The following TBRG1 variants were observed in gnomAD, a reference collection of about 807,000 sequenced individuals.
The protein encoded by TBRG1 is nuclear interactor of ARF and MDM2.
TBRG1 carries 31 observed loss-of-function variants against 44.0 expected under a neutral mutation model. The observed-to-expected ratio is 0.70, with a 90% CI of 0.53 to 0.95. TBRG1 has a LOEUF of 0.95. TBRG1 is among the 40% of genes least tolerant of loss of function. The pLI is 0.00. For synonymous variants in TBRG1, 171 were observed against 188.1 expected, an observed-to-expected ratio of 0.91 and a Z score of 0.74; for missense variants, 487 against 496.1, an observed-to-expected ratio of 0.98 and a Z score of 0.18.
chr11:124,624,785 T>C (rs1333763939), intron 1 of TBRG1, 146 bp from the exon 2 acceptor site: 3 of 630,926 alleles, frequency 4.8e-6, no homozygotes, highest in Non-Finnish European at 8.5e-6. Context: ...ATCTATGGAT[T>C]TATTTATAGT....
At position 124,626,901 on chromosome 11, in the gene TBRG1, T is replaced by C. The variant is rs1307636160; in HGVS notation, c.592-3T>C. 9 of 1,604,254 alleles carry C rather than the reference T, an allele frequency of 5.6e-6. No homozygotes were observed. Among genetic ancestry groups the C allele is most frequent in the Non-Finnish European group, 7.7e-6 (9 of 1,174,802 alleles). On this transcript the variant is annotated splice_polypyrimidine_tract_variant and splice_region_variant and intron_variant, in intron 4 of 8. Coordinates refer to ENST00000441174, the MANE Select transcript of TBRG1 (RefSeq NM_032811.3). The stretch of plus-strand genomic sequence containing the variant: ...TCCCAGGTTGGGGGAATGTTTTTTA[T>C]AGATCATCACCGACCGACCTGGCTT...
rs754240756 is a variant in TBRG1, at chr11:124,633,593, A to G, written c.*1355A>G. ...GATCAGGCAGCAGTGTTTAGAGCAC[A>G]CCACACTGGCCACTGTAAACTGAGA... On this transcript the variant is annotated 3_prime_UTR_variant, in exon 9 of 9. Coordinates refer to ENST00000441174, the MANE Select transcript of TBRG1 (RefSeq NM_032811.3). 2.0e-5 allele frequency: 3 copies of G among 152,258 alleles called. No homozygotes were observed. The highest frequency in any genetic ancestry group is 4.4e-5 in the Non-Finnish European group (3 of 68,066). 9.4% of individuals were successfully genotyped at this position (152,258 alleles called of 1,614,324 possible).
intron 8 of TBRG1, chr11:124,631,635 A>T (rs1363075376): frequency 1.7e-6 from 1 of 588,868 alleles, no homozygotes; most frequent in African/African-American, 1.9e-5. Flanking sequence ...GATCATAGTA[A>T]GGCAGGGTAC....
chr11:124,626,397 A>G, intron 3 of TBRG1, 76 bp from the exon 4 acceptor site: 1 of 1,321,572 alleles, frequency 7.6e-7, no homozygotes, highest in Non-Finnish European at 1.0e-6. Context: ...TGCCCTCACC[A>G]TTCACGTGCA....
chr11:124,628,860 G>A (rs769239687), intron 5 of TBRG1, among the ~76,000 whole-genome samples: 6 of 152,130 alleles, frequency 3.9e-5, no homozygotes, highest in Non-Finnish European at 7.4e-5. Flanking sequence ...ATGTGCAAAT[G>A]TGAACAAAGT....
intron 5 of TBRG1, among the ~76,000 whole-genome samples, chr11:124,628,108 TATATATATACACACACAC>T (rs1295548297): frequency 8.4e-4 from 44 of 52,420 alleles, no homozygotes; most frequent in African/African-American, 4.4e-3. Flanking sequence ...TATATATATA[TATATATATACACACACAC>T]ACACACACAC....
At chr11:124,623,282 A>C in intron 1 of TBRG1, 49 bp downstream of exon 1, 1 of 1,547,772 alleles carries the variant, frequency 6.5e-7, no homozygotes, top group Non-Finnish European at 8.7e-7. Context: ...ACTCCCTCAC[A>C]AAATCTTTCC....
chr11:124,626,771 C>G, intron 4 of TBRG1, 133 bp from the exon 5 acceptor site: 1 of 1,465,690 alleles, frequency 6.8e-7, no homozygotes, highest in East Asian at 2.5e-5. Flanking sequence ...GTCTGCTACA[C>G]AGCCTACTCT....
At chr11:124,629,634 A>G (rs567794709) in intron 5 of TBRG1, among the ~76,000 whole-genome samples, 2 of 152,218 alleles carry the variant, frequency 1.3e-5, no homozygotes, top group African/African-American at 4.8e-5. Flanking sequence ...TTTTTTAGAA[A>G]TCAGTAGTGC....
rs1163939674 is a variant in TBRG1 at position 124,626,395 on chromosome 11, C to T, written c.455-78C>T. The T allele has an allele frequency of 3.1e-6, 4 of 1,301,778 alleles. No homozygotes were observed. The African/African-American group carries it at 6.0e-5, about 20-fold the overall frequency. The allele number at this position is 1,301,778 out of a possible 1,614,324, so 80.6% of individuals were successfully genotyped here. A position where few individuals can be genotyped will look rare whatever the true frequency, so the allele number is the denominator to read the frequency against. On this transcript the variant is annotated intron_variant, in intron 3 of 8. Coordinates refer to ENST00000441174, the MANE Select transcript of TBRG1 (RefSeq NM_032811.3). ...AACCAGGATTGGCTTATTGCCCTCA[C>T]CATTCACGTGCAAATTTATCCCTTC... is the stretch of plus-strand genomic sequence containing the variant.
Position 124,630,785 on chromosome 11 carries a change from T to G in TBRG1, c.877T>G (p.Phe293Val). Reference protein sequence around the residue: ...MPNLLPAGADFFGFSHPAIHN... With the variant: ...MPNLLPAGADVFGFSHPAIHN... The stretch of plus-strand genomic sequence containing the variant: ...TAACCTGCTTCCAGCTGGAGCTGAC[T>G]TTTTTGGATTTTCTCATCCAGCCAT... The change falls in exon 7 of 9, where the codon TTT becomes GTT. Residue 293 changes from phenylalanine to valine, a missense_variant. Physicochemically the swap from Phe to Val is conservative, Grantham distance 50. Transcript: ENST00000441174. The G allele has an allele frequency of 1.2e-6, 2 of 1,607,624 alleles. No individual in the cohort carries two copies. The highest frequency in any genetic ancestry group is 1.7e-6 in the Non-Finnish European group (2 of 1,176,910).
At chr11:124,627,839 C>A (rs1420658319) in intron 5 of TBRG1, among the ~76,000 whole-genome samples, 2 of 151,860 alleles carry the variant, frequency 1.3e-5, no homozygotes, top group African/African-American at 4.8e-5. Context: ...ATTTATAATA[C>A]ATCTTTAAAT....
intron 7 of TBRG1, 75 bp from the exon 8 acceptor site, chr11:124,631,200 G>T: frequency 7.2e-7 from 1 of 1,396,826 alleles, no homozygotes; most frequent in South Asian, 1.5e-5. Flanking sequence ...AAAATTACCT[G>T]ATCCCTTTAG....
In TBRG1 at chr11:124,624,925, T is replaced by C; in HGVS notation, c.151-6T>C. 2 of 1,522,606 alleles carry C rather than the reference T, an allele frequency of 1.3e-6. No homozygotes were observed. The highest frequency in any genetic ancestry group is 2.5e-5 in the East Asian group (1 of 40,754). 94.3% of individuals were successfully genotyped at this position (1,522,606 alleles called of 1,614,324 possible). The stretch of plus-strand genomic sequence containing the variant: ...TATGTTATTATATTCACATTTTTAC[T>C]TAAAGGAAAATGCTGCTATTTGTGA... On this transcript the variant is annotated splice_region_variant and splice_polypyrimidine_tract_variant and intron_variant, in intron 1 of 8. Coordinates refer to ENST00000441174, the MANE Select transcript of TBRG1 (RefSeq NM_032811.3).
At chr11:124,628,124 C>T (rs956457023) in intron 5 of TBRG1, among the ~76,000 whole-genome samples, 26 of 128,174 alleles carry the variant, frequency 2.0e-4, no homozygotes, top group Admixed American at 3.0e-4. Context: ...TATACACACA[C>T]ACACACACAC....
intron 7 of TBRG1, 48 bp downstream of exon 7, chr11:124,630,903 C>T (rs933311081): frequency 1.7e-5 from 22 of 1,313,090 alleles, no homozygotes; most frequent in East Asian, 5.0e-5. Context: ...AGTGATCATC[C>T]GGCCAGGGAC....
In TBRG1 at chr11:124,634,910, A is replaced by T. The variant is rs896207011; in HGVS notation, c.*2672A>T. ...TTACTTGCTTATACTTTAGTGTCCA[A>T]ATTTTCTACAGTGACTATAAATTTC... is the stretch of plus-strand genomic sequence containing the variant. On this transcript the variant is annotated 3_prime_UTR_variant, in exon 9 of 9. Coordinates refer to ENST00000441174, the MANE Select transcript of TBRG1 (RefSeq NM_032811.3). 1 of 152,190 alleles carries T rather than the reference A, an allele frequency of 6.6e-6. No homozygotes were observed. Among genetic ancestry groups the T allele is most frequent in the Non-Finnish European group, 1.5e-5 (1 of 68,026 alleles). 9.4% of individuals were successfully genotyped at this position (152,190 alleles called of 1,614,324 possible).
chr11:124,626,787 T>G, intron 4 of TBRG1, 117 bp from the exon 5 acceptor site: 1 of 1,497,880 alleles, frequency 6.7e-7, no homozygotes, highest in Non-Finnish European at 9.1e-7. Flanking sequence ...ACTCTCTGTC[T>G]TTGTGTGATT....
Position 124,631,442 on chromosome 11 carries a change from T to A in TBRG1, c.1090+25T>A, listed in dbSNP as rs752335824. ...GGTATCTTTAACTTTACCTTTCTGG[T>A]TTGAAAATTGACTGTGTTTAGGCTA... On this transcript the variant is annotated intron_variant, in intron 8 of 8. Coordinates refer to ENST00000441174, the MANE Select transcript of TBRG1 (RefSeq NM_032811.3). The A allele has an allele frequency of 3.7e-6, 6 of 1,612,566 alleles. No individual in the cohort carries two copies. In the East Asian group the frequency reaches 1.3e-4, roughly 36 times the overall value.
Sources: allele counts gnomAD v4.1 joint callset (sites outside exome capture counted in the v4.1 genomes callset), GRCh38; gene constraint gnomAD v4.1.1; transcripts MANE v1.5; gene names NCBI Gene and HGNC (gene_info 2026-07-23, HGNC 2026-07-21).